Variants in IMMP2L observed in about 807,000 individuals in gnomAD.
IMMP2L encodes inner mitochondrial membrane peptidase subunit 2.
IMMP2L carries 18 observed loss-of-function variants against 19.3 expected under a neutral mutation model. That is an observed-to-expected ratio of 0.93 (90% CI 0.64 to 1.38). The LOEUF (loss-of-function observed/expected upper bound fraction) is 1.38, where lower values mean the gene tolerates loss of function less well. Among genes scored for constraint, IMMP2L ranks in the 40% most tolerant of loss-of-function variants. The pLI, the probability that IMMP2L is intolerant of heterozygous loss-of-function variation, is 0.00. For synonymous variants in IMMP2L, 76 were observed against 73.0 expected, an observed-to-expected ratio of 1.04 and a Z score of -0.21; for missense variants, 233 against 218.2, an observed-to-expected ratio of 1.07 and a Z score of -0.43.
intron 3 of IMMP2L, among the ~76,000 whole-genome samples, chr7:111,235,620 T>C (rs556211272): frequency 6.6e-6 from 1 of 152,254 alleles, no homozygotes; most frequent in South Asian, 2.1e-4. Context: ...TTTTTTGGCC[T>C]TCTTTTAAGA....
chr7:111,528,580 T>C (rs2132764564), intron 1 of IMMP2L, among the ~76,000 whole-genome samples: 1 of 152,298 alleles, frequency 6.6e-6, no homozygotes, highest in African/African-American at 2.4e-5. Context: ...CAACCCACAC[T>C]GTAAATTTCT....
chr7:111,255,279 G>A (rs956074927), intron 3 of IMMP2L, among the ~76,000 whole-genome samples: 2 of 152,108 alleles, frequency 1.3e-5, no homozygotes, highest in Non-Finnish European at 2.9e-5. Flanking sequence ...TCTTTTCCAT[G>A]AGGATAGAAT....
In IMMP2L at chr7:111,124,426, G is replaced by A. The variant is rs907590690; in HGVS notation, c.240-160861C>T. 2 of 1,613,832 alleles carry A rather than the reference G, an allele frequency of 1.2e-6. No homozygotes were observed. Among genetic ancestry groups the A allele is most frequent in the African/African-American group, 2.7e-5 (2 of 75,026 alleles). ...AAGTTCTAAAATTCTCAAATCTAGT[G>A]TTAAATGGACAGCCTTTGTCAAGAC... On this transcript the variant is annotated intron_variant, in intron 3 of 5. Coordinates refer to ENST00000405709, the MANE Select transcript of IMMP2L (RefSeq NM_032549.4).
chr7:111,390,179 G>A (rs935601361), intron 3 of IMMP2L, among the ~76,000 whole-genome samples: 5 of 152,038 alleles, frequency 3.3e-5, no homozygotes, highest in African/African-American at 9.7e-5. Context: ...GCAGAGAACC[G>A]CCCTCCCTTG....
At chr7:111,422,747 A>C (rs182452503) in intron 3 of IMMP2L, among the ~76,000 whole-genome samples, 1 of 151,876 alleles carries the variant, frequency 6.6e-6, no homozygotes, top group East Asian at 1.9e-4. Context: ...AGAACTTCCA[A>C]CACTACGTTG....
chr7:111,080,648 C>T (rs547000683), intron 3 of IMMP2L, among the ~76,000 whole-genome samples: 2 of 152,040 alleles, frequency 1.3e-5, no homozygotes, highest in South Asian at 2.1e-4. Flanking sequence ...TTTGCTGTTT[C>T]CATCATTCTA....
chr7:110,927,742 T>C (rs1052702314), intron 4 of IMMP2L, among the ~76,000 whole-genome samples: 2 of 152,148 alleles, frequency 1.3e-5, no homozygotes, highest in Non-Finnish European at 2.9e-5. Context: ...GCTGGACTTC[T>C]GACCTTCAGA....
At chr7:110,859,122 T>C (rs1807116229) in intron 5 of IMMP2L, among the ~76,000 whole-genome samples, 1 of 152,136 alleles carries the variant, frequency 6.6e-6, no homozygotes. Context: ...TTTTGATTGA[T>C]ATAAAATGTA....
At chr7:111,281,230 AAG>A (rs1819824343) in intron 3 of IMMP2L, among the ~76,000 whole-genome samples, 1 of 132,332 alleles carries the variant, frequency 7.6e-6, no homozygotes, top group Non-Finnish European at 1.6e-5. Context: ...GAAAGAAAGA[AAG>A]AAAGAAAGAA....
chr7:111,551,424 T>C (rs1260302839), intron 1 of IMMP2L, among the ~76,000 whole-genome samples: 1 of 152,116 alleles, frequency 6.6e-6, no homozygotes, highest in Non-Finnish European at 1.5e-5. Context: ...TAACGTACTA[T>C]GTATTACCAA....
chr7:110,896,624 TTA>T lies in IMMP2L; in HGVS notation c.306-9931_306-9930del, dbSNP rs1218396388. On this transcript the variant is annotated intron_variant, in intron 4 of 5. Coordinates refer to ENST00000405709, the MANE Select transcript of IMMP2L (RefSeq NM_032549.4). ...GGCACATTTTGCCTTTCAAAAATTT[TTA>T]ATTTCAAAATACTGAGGTATTTTCG... 5.6e-5 allele frequency among the ~76,000 whole-genome samples: 8 copies of T among 143,782 alleles called. 2 individuals carry two copies. Among genetic ancestry groups the T allele is most frequent in the Non-Finnish European group, 9.0e-5 (6 of 66,814 alleles). The allele number at this position is 143,782 out of a possible 152,430, so 94.3% of individuals were successfully genotyped here. A position where few individuals can be genotyped will look rare whatever the true frequency, so the allele number is the denominator to read the frequency against.
chr7:111,414,461 A>G (rs756455697), intron 3 of IMMP2L, among the ~76,000 whole-genome samples: 13 of 151,958 alleles, frequency 8.6e-5, no homozygotes, highest in Non-Finnish European at 1.5e-4. Context: ...GACATTCTAA[A>G]AAAGACAAAA....
intron 5 of IMMP2L, among the ~76,000 whole-genome samples, chr7:110,730,726 C>G (rs565152868): frequency 1.3e-5 from 2 of 152,150 alleles, no homozygotes; most frequent in East Asian, 3.9e-4. Flanking sequence ...GGGGTTTCAC[C>G]GTTTTAGCCA....
intron 3 of IMMP2L, among the ~76,000 whole-genome samples, chr7:111,345,964 G>C (rs1199396435): frequency 6.6e-6 from 1 of 152,048 alleles, no homozygotes; most frequent in Middle Eastern, 3.2e-3. Context: ...ATATCCTCTT[G>C]CCTCAGTTTT....
chr7:110,945,231 G>A (rs76444061), intron 4 of IMMP2L, among the ~76,000 whole-genome samples: 3,289 of 152,060 alleles, frequency 0.022, 57 homozygotes, highest in Non-Finnish European at 0.035. Context: ...AAGGCATAAT[G>A]AGATTAACAT....
chr7:110,733,462 T>TG (rs967739726), intron 5 of IMMP2L, among the ~76,000 whole-genome samples: 5 of 151,968 alleles, frequency 3.3e-5, no homozygotes, highest in Admixed American at 3.3e-4. Context: ...GAGTGTTTTT[T>TG]TTTTTTTTAG....
At chr7:111,179,995 G>A (rs1807524658) in intron 3 of IMMP2L, among the ~76,000 whole-genome samples, 1 of 151,870 alleles carries the variant, frequency 6.6e-6, no homozygotes, top group South Asian at 2.1e-4. Flanking sequence ...TTAGGGCTTT[G>A]CTGTGGATTA....
At chr7:111,560,444 CT>C (rs1210424427) in intron 1 of IMMP2L, among the ~76,000 whole-genome samples, 1 of 152,096 alleles carries the variant, frequency 6.6e-6, no homozygotes, top group African/African-American at 2.4e-5. Flanking sequence ...AAAAGTTATC[CT>C]CATCTAATTA....
intron 3 of IMMP2L, among the ~76,000 whole-genome samples, chr7:111,169,604 T>C (rs1180319376): frequency 6.6e-6 from 1 of 151,818 alleles, no homozygotes; most frequent in Admixed American, 6.6e-5. Flanking sequence ...GTAACTCCAA[T>C]CTTCCCATAG....
Sources: allele counts gnomAD v4.1 joint callset (sites outside exome capture counted in the v4.1 genomes callset), GRCh38; gene constraint gnomAD v4.1.1; transcripts MANE v1.5; gene names NCBI Gene and HGNC (gene_info 2026-07-23, HGNC 2026-07-21).